Variants in FAM107B observed in about 807,000 individuals in gnomAD.
FAM107B encodes protein FAM107B.
In FAM107B, 21 loss-of-function variants were observed where a neutral mutation model predicts 31.5. The observed-to-expected ratio is 0.67, with a 90% CI of 0.47 to 0.96. FAM107B has a LOEUF of 0.96. Ranked by LOEUF, FAM107B falls within the 40% of genes least tolerant of loss-of-function variation. FAM107B has a pLI of 0.00. For missense variants in FAM107B, 452 were observed against 377.1 expected, an observed-to-expected ratio of 1.20 and a Z score of -1.64; for synonymous variants, 157 against 141.5, an observed-to-expected ratio of 1.11 and a Z score of -0.78.
At chr10:14,751,948 T>C (rs940765898) in intron 1 of FAM107B, among the ~76,000 whole-genome samples, 1 of 152,122 alleles carries the variant, frequency 6.6e-6, no homozygotes, top group Non-Finnish European at 1.5e-5. Flanking sequence ...GCAAAATGAA[T>C]GAAGGGAATC....
intron 2 of FAM107B, among the ~76,000 whole-genome samples, chr10:14,626,520 T>G (rs1353924248): frequency 6.7e-6 from 1 of 149,924 alleles, no homozygotes; most frequent in African/African-American, 2.5e-5. Context: ...TTTTTTTTTT[T>G]TGAGACAGAG....
intron 2 of FAM107B, among the ~76,000 whole-genome samples, chr10:14,663,988 C>G (rs1348687399): frequency 6.6e-6 from 1 of 151,564 alleles, no homozygotes; most frequent in African/African-American, 2.4e-5. Flanking sequence ...AACACCCTGG[C>G]TGACGTGTCT....
chr10:14,710,893 T>C (rs1277898928), intron 1 of FAM107B, among the ~76,000 whole-genome samples: 1 of 151,736 alleles, frequency 6.6e-6, no homozygotes, highest in East Asian at 1.9e-4. Flanking sequence ...TATGGTAAGC[T>C]AAGATTAATT....
At chr10:14,618,411 T>G (rs1435437078) in intron 2 of FAM107B, among the ~76,000 whole-genome samples, 1 of 152,212 alleles carries the variant, frequency 6.6e-6, no homozygotes, top group African/African-American at 2.4e-5. Flanking sequence ...TCATTTCTCT[T>G]GGGTAAAAAC....
chr10:14,521,835 C>T lies in FAM107B; in HGVS notation c.804+34G>A. ...ACTCCAACATTCTTCAAGACAAAAA[C>T]AAAAAAAGACAGCTTCCAGCCAATC... is the stretch of plus-strand genomic sequence containing the variant. On this transcript the variant is annotated intron_variant, in intron 4 of 4. Transcript: ENST00000181796. The T allele has an allele frequency of 1.9e-6, 3 of 1,601,580 alleles. No homozygotes were observed. The South Asian group carries it at 3.4e-5, about 18-fold the overall frequency.
At chr10:14,620,629 C>G (rs1256382663) in intron 2 of FAM107B, among the ~76,000 whole-genome samples, 1 of 151,976 alleles carries the variant, frequency 6.6e-6, no homozygotes, top group African/African-American at 2.4e-5. Context: ...TTTGCTGCAC[C>G]CATCAACCCG....
At chr10:14,564,944 G>C (rs752155531) in intron 2 of FAM107B, among the ~76,000 whole-genome samples, 29 of 152,174 alleles carry the variant, frequency 1.9e-4, no homozygotes, top group African/African-American at 2.7e-4. Flanking sequence ...GCTGGGCTGG[G>C]CATGGTGGCT....
At chr10:14,523,261 GTCTCTGCCAACTCATAAGTAA>G (rs1180382008) in intron 3 of FAM107B, among the ~76,000 whole-genome samples, 4 of 152,180 alleles carry the variant, frequency 2.6e-5, no homozygotes, top group Non-Finnish European at 5.9e-5. Context: ...ATCTTAGCCA[GTCTCTGCCAACTCATAAGTAA>G]TCTCAACTTG....
chr10:14,537,918 C>T (rs1847807465), intron 2 of FAM107B, among the ~76,000 whole-genome samples: 1 of 151,796 alleles, frequency 6.6e-6, no homozygotes, highest in Non-Finnish European at 1.5e-5. Flanking sequence ...CTGCTATTAG[C>T]GCTGTCACTG....
chr10:14,687,238 A>C (rs771329766), intron 1 of FAM107B, among the ~76,000 whole-genome samples: 1 of 152,212 alleles, frequency 6.6e-6, no homozygotes, highest in African/African-American at 2.4e-5. Context: ...CATGAACCTG[A>C]CCAAATCCAC....
chr10:14,688,625 G>A (rs74401502), intron 1 of FAM107B, among the ~76,000 whole-genome samples: 1,604 of 152,304 alleles, frequency 0.011, 22 homozygotes, highest in African/African-American at 0.033. Flanking sequence ...TTGTTTTAGT[G>A]TCTCTTTTGT....
At chr10:14,609,104 A>G (rs1409388) in intron 2 of FAM107B, among the ~76,000 whole-genome samples, 9,628 of 152,314 alleles carry the variant, frequency 0.063, 382 homozygotes, top group East Asian at 0.12. Context: ...TGGTTTAAAT[A>G]AGAAAAAGAT....
intron 1 of FAM107B, among the ~76,000 whole-genome samples, chr10:14,756,765 T>C (rs957723841): frequency 5.3e-5 from 8 of 152,142 alleles, no homozygotes; most frequent in African/African-American, 1.7e-4. Flanking sequence ...TCAACCTAAA[T>C]GCCCATCAAT....
At chr10:14,715,090 A>G (rs1009945910) in intron 1 of FAM107B, among the ~76,000 whole-genome samples, 7 of 152,236 alleles carry the variant, frequency 4.6e-5, no homozygotes, top group African/African-American at 9.6e-5. Flanking sequence ...TAAATGGACA[A>G]GTAGTGATCA....
Position 14,772,474 on chromosome 10 carries a change from C to T in FAM107B, c.411+1779G>A, listed in dbSNP as rs571164616. On this transcript the variant is annotated intron_variant, in intron 1 of 4. Coordinates refer to ENST00000181796, the MANE Select transcript of FAM107B (RefSeq NM_031453.4). Reference sequence around the variant, plus strand: ...TACAAGTGCTCTGCACAGCTTAGCTCTCGGTGTTTGAACTAGAATAGATGC... The same window carrying T: ...TACAAGTGCTCTGCACAGCTTAGCTTTCGGTGTTTGAACTAGAATAGATGC... Among the ~76,000 whole-genome samples, 4 of 152,178 alleles carry T rather than the reference C, an allele frequency of 2.6e-5. No individual in the cohort carries two copies. The South Asian group carries it at 8.3e-4, about 32-fold the overall frequency.
chr10:14,557,319 A>G (rs1163759986), intron 2 of FAM107B, among the ~76,000 whole-genome samples: 1 of 152,234 alleles, frequency 6.6e-6, no homozygotes, highest in Non-Finnish European at 1.5e-5. Context: ...AGGAATTCTA[A>G]ATGTTCAATT....
chr10:14,767,020 G>GTGTATATATATATATATATA (rs1354065285), intron 1 of FAM107B, among the ~76,000 whole-genome samples: 2 of 30,408 alleles, frequency 6.6e-5, no homozygotes, highest in Admixed American at 5.7e-4. Context: ...TCCCTGATGT[G>GTGTATATATATATATATATA]TATGTATATA....
At chr10:14,664,948 A>C (rs1854369147) in intron 2 of FAM107B, among the ~76,000 whole-genome samples, 1 of 152,224 alleles carries the variant, frequency 6.6e-6, no homozygotes, top group African/African-American at 2.4e-5. Context: ...GCAAGATGCA[A>C]TGCAAAGACA....
chr10:14,653,544 C>T (rs1355325176), intron 2 of FAM107B, among the ~76,000 whole-genome samples: 1 of 152,144 alleles, frequency 6.6e-6, no homozygotes, highest in African/African-American at 2.4e-5. Flanking sequence ...GGGAACTTTT[C>T]CTGAGACCTC....
Sources: allele counts gnomAD v4.1 joint callset (sites outside exome capture counted in the v4.1 genomes callset), GRCh38; gene constraint gnomAD v4.1.1; transcripts MANE v1.5; gene names NCBI Gene and HGNC (gene_info 2026-07-23, HGNC 2026-07-21).